The following CANT1 variants were observed in gnomAD, a reference collection of about 807,000 sequenced individuals.
The protein encoded by CANT1 is soluble calcium-activated nucleotidase 1.
A neutral mutation model predicts 30.0 loss-of-function variants in CANT1; 26 were observed. That is an observed-to-expected ratio of 0.87 (90% CI 0.64 to 1.20). The LOEUF is 1.20. CANT1 is among the 50% of genes most tolerant of loss of function. The probability of loss-of-function intolerance (pLI) is 0.00; values close to 1 mark genes in which losing one functional copy is unlikely to be tolerated. For synonymous variants in CANT1, 246 were observed against 251.8 expected, an observed-to-expected ratio of 0.98 and a Z score of 0.22; for missense variants, 518 against 563.0, an observed-to-expected ratio of 0.92 and a Z score of 0.81.
Position 78,996,393 on chromosome 17 carries a change from C to T in CANT1, c.631+599G>A, listed in dbSNP as rs1233554180. Among the ~76,000 whole-genome samples the T allele has an allele frequency of 6.6e-6, 1 of 152,184 alleles. No individual in the cohort carries two copies. Among genetic ancestry groups the T allele is most frequent in the Non-Finnish European group, 1.5e-5 (1 of 68,016 alleles). ...CTCTCTGGAGGAAGACACTGGCCAC[C>T]GTGCCTCCCCAAAGCCTGTCCCTGC... On this transcript the variant is annotated intron_variant, in intron 3 of 4. Coordinates refer to ENST00000392446, the MANE Select transcript of CANT1 (RefSeq NM_001159773.2). This position sits in a 1 kb window ranked among gnomAD's most constrained non-coding sequence, Gnocchi z 5.1.
intron 1 of CANT1, among the ~76,000 whole-genome samples, chr17:78,999,459 T>C (rs2071164947): frequency 1.3e-5 from 2 of 152,246 alleles, no homozygotes; most frequent in Admixed American, 1.3e-4. Context: ...TTACTCTATC[T>C]TACCTGCTAT....
Position 78,992,683 on chromosome 17 carries a change from T to C in CANT1, c.*867A>G, listed in dbSNP as rs762179734. ...AAAAAGGCAACATTTTCTTTATCTT[T>C]GTATCCATTGGCCAAGAACGCCGAC... On this transcript the variant is annotated 3_prime_UTR_variant, in exon 5 of 5. Coordinates refer to ENST00000392446, the MANE Select transcript of CANT1 (RefSeq NM_001159773.2). 28 of 592,758 alleles carry C rather than the reference T, an allele frequency of 4.7e-5. No individual in the cohort carries two copies. In the Admixed American group the frequency reaches 5.3e-4, roughly 11 times the overall value. 36.7% of individuals were successfully genotyped at this position (592,758 alleles called of 1,614,324 possible).
chr17:79,005,701 C>T (rs2071525172), intron 1 of CANT1, among the ~76,000 whole-genome samples: 2 of 152,132 alleles, frequency 1.3e-5, no homozygotes, highest in South Asian at 4.1e-4. Context: ...CCTTCCCACA[C>T]CCAGAGAGCA....
In CANT1 at chr17:78,992,391, A is replaced by T; in HGVS notation, c.*1159T>A. ...GTGAATGATGGAAACGTCCCTTCTC[A>T]GCCTGGGTCGTGCCTAACCTGGGTC... On this transcript the variant is annotated 3_prime_UTR_variant, in exon 5 of 5. Coordinates refer to ENST00000392446, the MANE Select transcript of CANT1 (RefSeq NM_001159773.2). 1 of 286,978 alleles carries T rather than the reference A, an allele frequency of 3.5e-6. No homozygotes were observed. Among genetic ancestry groups the T allele is most frequent in the Non-Finnish European group, 6.8e-6 (1 of 147,196 alleles). 17.8% of individuals were successfully genotyped at this position (286,978 alleles called of 1,614,324 possible).
Position 78,993,544 on chromosome 17 carries a change from T to C in CANT1, c.*6A>G. ...TGATGGCCTTGCTCAGTGTTTCCGTTTTGAGTTAAATGAACTCGATGCCTT... is the reference window on the plus strand; with the variant it reads ...TGATGGCCTTGCTCAGTGTTTCCGTCTTGAGTTAAATGAACTCGATGCCTT... On this transcript the variant is annotated 3_prime_UTR_variant, in exon 5 of 5. Transcript: ENST00000392446. The surrounding 1 kb of genome is among the most constrained non-coding windows in gnomAD (Gnocchi z 4.5). 1 of 1,614,204 alleles carries C rather than the reference T, an allele frequency of 6.2e-7. No individual in the cohort carries two copies. Among genetic ancestry groups the C allele is most frequent in the Non-Finnish European group, 8.5e-7 (1 of 1,180,044 alleles).
intron 1 of CANT1, among the ~76,000 whole-genome samples, chr17:79,004,129 A>G (rs190890323): frequency 5.3e-4 from 1 of 1,880 alleles, no homozygotes; most frequent in Non-Finnish European, 8.8e-4. Flanking sequence ...AGTTAGGGAG[A>G]GGAGTTGGGG....
Position 79,002,678 on chromosome 17 carries a change from C to T in CANT1, c.-146-4715G>A, listed in dbSNP as rs1391517088. On this transcript the variant is annotated intron_variant, in intron 1 of 4. Coordinates refer to ENST00000392446, the MANE Select transcript of CANT1 (RefSeq NM_001159773.2). This position sits in a 1 kb window ranked among gnomAD's most constrained non-coding sequence, Gnocchi z 4.0. ...AGGCTGAAAATACTGACTCCCTGTC[C>T]CTCGACAGATCCCTGGTCAAGACCA... is the stretch of plus-strand genomic sequence containing the variant. Among the ~76,000 whole-genome samples the T allele has an allele frequency of 1.3e-5, 2 of 152,194 alleles. No homozygotes were observed. The highest frequency in any genetic ancestry group is 3.9e-4 in the East Asian group (2 of 5,186).
rs1037811604 is a variant in CANT1 at position 78,998,681 on chromosome 17, C to T, written c.-146-718G>A. Reference sequence around the variant, plus strand: ...CCATGGGGCACCAGGCCCACGTCTGCGCCGCCTTGGTGAGAGCTGCCTGTC... The same window carrying T: ...CCATGGGGCACCAGGCCCACGTCTGTGCCGCCTTGGTGAGAGCTGCCTGTC... On this transcript the variant is annotated intron_variant, in intron 1 of 4. Transcript: ENST00000392446. The surrounding 1 kb of genome is among the most constrained non-coding windows in gnomAD (Gnocchi z 4.5). Among the ~76,000 whole-genome samples, 1 of 152,260 alleles carries T rather than the reference C, an allele frequency of 6.6e-6. No homozygotes were observed. The highest frequency in any genetic ancestry group is 1.5e-5 in the Non-Finnish European group (1 of 68,034).
Position 78,992,877 on chromosome 17 carries a change from GT to G in CANT1, c.*672del, listed in dbSNP as rs1287928234. ...GCAGGTTAATAATTAAAACTTCAAA[GT>G]ACTGCACAGCCACAGAATTTTCTTG... On this transcript the variant is annotated 3_prime_UTR_variant, in exon 5 of 5. Coordinates refer to ENST00000392446, the MANE Select transcript of CANT1 (RefSeq NM_001159773.2). 6 of 362,540 alleles carry G rather than the reference GT, an allele frequency of 1.7e-5. No individual in the cohort carries two copies. The highest frequency in any genetic ancestry group is 1.2e-4 in the African/African-American group (6 of 48,988). 22.5% of individuals were successfully genotyped at this position (362,540 alleles called of 1,614,324 possible).
At position 78,993,426 on chromosome 17, in the gene CANT1, G is replaced by A; in HGVS notation, c.*124C>T. The A allele has an allele frequency of 3.5e-6, 5 of 1,442,498 alleles. No individual in the cohort carries two copies. The highest frequency in any genetic ancestry group is 3.8e-6 in the Non-Finnish European group (4 of 1,048,998). The allele number at this position is 1,442,498 out of a possible 1,614,324, so 89.4% of individuals were successfully genotyped here. A position where few individuals can be genotyped will look rare whatever the true frequency, so the allele number is the denominator to read the frequency against. On this transcript the variant is annotated 3_prime_UTR_variant, in exon 5 of 5. Transcript: ENST00000392446. This position sits in a 1 kb window ranked among gnomAD's most constrained non-coding sequence, Gnocchi z 4.5. ...GCACCACTATGGGGCCCGGGACTGG[G>A]CTCCCTGTCCAGACCTCCAACCCAG... is the stretch of plus-strand genomic sequence containing the variant.
In CANT1 at chr17:79,002,004, G is replaced by C. The variant is rs1005013983; in HGVS notation, c.-146-4041C>G. 6.6e-6 allele frequency among the ~76,000 whole-genome samples: 1 copy of C among 151,642 alleles called. No individual in the cohort carries two copies. The highest frequency in any genetic ancestry group is 2.4e-5 in the African/African-American group (1 of 41,236). On this transcript the variant is annotated intron_variant, in intron 1 of 4. Coordinates refer to ENST00000392446, the MANE Select transcript of CANT1 (RefSeq NM_001159773.2). This position sits in a 1 kb window ranked among gnomAD's most constrained non-coding sequence, Gnocchi z 4.0. ...ACGTGTCCCACCCAGCTTGAGACTC[G>C]CTTCCCTTCTCCCCATCCACACAGC... is the stretch of plus-strand genomic sequence containing the variant.
rs563470870 is a variant in CANT1, at chr17:78,995,278, C to T, written c.632-57G>A. The T allele has an allele frequency of 4.5e-6, 7 of 1,562,268 alleles. No homozygotes were observed. In the East Asian group the frequency reaches 1.6e-4, roughly 35 times the overall value. Reference sequence around the variant, plus strand: ...CCCAGCTCCCGCCGCACCCCTGCACCTGGCTCCCACCCGGCCCCGCACCTG... The same window carrying T: ...CCCAGCTCCCGCCGCACCCCTGCACTTGGCTCCCACCCGGCCCCGCACCTG... On this transcript the variant is annotated intron_variant, in intron 3 of 4. Coordinates refer to ENST00000392446, the MANE Select transcript of CANT1 (RefSeq NM_001159773.2). This position sits in a 1 kb window ranked among gnomAD's most constrained non-coding sequence, Gnocchi z 5.7.
chr17:79,000,717 C>T (rs1414233799), intron 1 of CANT1, among the ~76,000 whole-genome samples: 3 of 152,234 alleles, frequency 2.0e-5, no homozygotes, highest in African/African-American at 7.2e-5. Context: ...TGCAGTTCCC[C>T]CTGCCTGGAA....
chr17:78,993,467 G>T lies in CANT1; in HGVS notation c.*83C>A. On this transcript the variant is annotated 3_prime_UTR_variant, in exon 5 of 5. Coordinates refer to ENST00000392446, the MANE Select transcript of CANT1 (RefSeq NM_001159773.2). The surrounding 1 kb of genome is among the most constrained non-coding windows in gnomAD (Gnocchi z 4.5). ...TCCAACCCAGGCACAGTTCCAAAAA[G>T]AACAAAACAAAACAAAAGTGCACTC... The T allele has an allele frequency of 1.3e-6, 2 of 1,599,174 alleles. No homozygotes were observed. Among genetic ancestry groups the T allele is most frequent in the Admixed American group, 3.4e-5 (2 of 59,676 alleles).
rs2071100072 is a variant in CANT1 at position 78,997,977 on chromosome 17, C to T, written c.-146-14G>A. ...TCTGTGGTCCCTCTAAAGAGAGAAG[C>T]GCAGGAGAGTCAGGTGGGAGGGGAA... On this transcript the variant is annotated splice_polypyrimidine_tract_variant and intron_variant, in intron 1 of 4. Coordinates refer to ENST00000392446, the MANE Select transcript of CANT1 (RefSeq NM_001159773.2). This position sits in a 1 kb window ranked among gnomAD's most constrained non-coding sequence, Gnocchi z 7.5. 1 of 281,820 alleles carries T rather than the reference C, an allele frequency of 3.5e-6. No individual in the cohort carries two copies. The highest frequency in any genetic ancestry group is 6.7e-6 in the Non-Finnish European group (1 of 149,130). The allele number at this position is 281,820 out of a possible 1,614,324, so 17.5% of individuals were successfully genotyped here.
At chr17:79,001,202 C>T (rs1028820162) in intron 1 of CANT1, among the ~76,000 whole-genome samples, 1 of 152,150 alleles carries the variant, frequency 6.6e-6, no homozygotes, top group African/African-American at 2.4e-5. Flanking sequence ...GCCCCTGGAA[C>T]CCCCATGTTC....
In CANT1 at chr17:78,992,753, C is replaced by T. The variant is rs762985875; in HGVS notation, c.*797G>A. On this transcript the variant is annotated 3_prime_UTR_variant, in exon 5 of 5. Coordinates refer to ENST00000392446, the MANE Select transcript of CANT1 (RefSeq NM_001159773.2). Reference sequence around the variant, plus strand: ...AGCCGCCACCGCTTCCTTACAATCTCCCGCACTGCTGGAGCGGGCTGGGTA... The same window carrying T: ...AGCCGCCACCGCTTCCTTACAATCTTCCGCACTGCTGGAGCGGGCTGGGTA... The T allele has an allele frequency of 1.7e-6, 1 of 594,454 alleles. No individual in the cohort carries two copies. The highest frequency in any genetic ancestry group is 3.3e-6 in the Non-Finnish European group (1 of 307,174). 36.8% of individuals were successfully genotyped at this position (594,454 alleles called of 1,614,324 possible). A position where few individuals can be genotyped will look rare whatever the true frequency, so the allele number is the denominator to read the frequency against.
intron 1 of CANT1, among the ~76,000 whole-genome samples, chr17:78,999,629 C>T (rs1252819686): frequency 2.0e-5 from 3 of 151,290 alleles, no homozygotes; most frequent in Non-Finnish European, 4.4e-5. Flanking sequence ...GCGTGTGCCA[C>T]CACGCACAGC....
In CANT1 at chr17:78,998,911, T is replaced by C. The variant is rs1229221246; in HGVS notation, c.-146-948A>G. Among the ~76,000 whole-genome samples, 1 of 152,048 alleles carries C rather than the reference T, an allele frequency of 6.6e-6. No homozygotes were observed. The highest frequency in any genetic ancestry group is 2.4e-5 in the African/African-American group (1 of 41,388). On this transcript the variant is annotated intron_variant, in intron 1 of 4. Transcript: ENST00000392446. This position sits in a 1 kb window ranked among gnomAD's most constrained non-coding sequence, Gnocchi z 4.5. The stretch of plus-strand genomic sequence containing the variant: ...CATGTGCCTTTATGGGCAGACGCTG[T>C]CCTCCCTGCCAGGGCGCCTGGGAAG...
Sources: allele counts gnomAD v4.1 joint callset (sites outside exome capture counted in the v4.1 genomes callset), GRCh38; gene constraint gnomAD v4.1.1; non-coding constraint Gnocchi (gnomAD v3.1); transcripts MANE v1.5; gene names NCBI Gene and HGNC (gene_info 2026-07-23, HGNC 2026-07-21).